SFMBT2: variants seen among roughly 807,000 people sequenced by gnomAD.
The protein encoded by SFMBT2 is Scm like with four mbt domains 2.
A neutral mutation model predicts 110.1 loss-of-function variants in SFMBT2; 38 were observed. The ratio of observed to expected loss-of-function variants is 0.35; its 90% CI spans 0.27 to 0.45. SFMBT2 has a LOEUF of 0.45. SFMBT2 is among the 20% of genes least tolerant of loss of function. The probability of loss-of-function intolerance (pLI) is 1.00; values close to 1 mark genes in which losing one functional copy is unlikely to be tolerated. For synonymous variants in SFMBT2, 425 were observed against 425.4 expected (o/e 1.00, Z 0.01); for missense variants, 1,011 against 1,094.9 (o/e 0.92, Z 1.08).
intron 4 of SFMBT2, among the ~76,000 whole-genome samples, chr10:7,311,482 C>T (rs1842856063): frequency 6.6e-6 from 1 of 152,204 alleles, no homozygotes; most frequent in Non-Finnish European, 1.5e-5. Flanking sequence ...CTATCACATC[C>T]TCCATCGTCA....
Position 7,159,425 on chromosome 10 carries a change from T to C in SFMBT2, c.*4345A>G, listed in dbSNP as rs933197841. The C allele has an allele frequency of 3.9e-5, 6 of 152,056 alleles. No individual in the cohort carries two copies. The highest frequency in any genetic ancestry group is 1.4e-4 in the African/African-American group (6 of 41,392). The allele number at this position is 152,056 out of a possible 1,614,324, so 9.4% of individuals were successfully genotyped here. On this transcript the variant is annotated 3_prime_UTR_variant, in exon 21 of 21. Transcript: ENST00000397167. ...CTATGAGAACTGGTCAACTTAAGAGTTCAACCATGTGAAAGGGAGTAATTT... is the reference window on the plus strand; with the variant it reads ...CTATGAGAACTGGTCAACTTAAGAGCTCAACCATGTGAAAGGGAGTAATTT...
rs1272972970 is a variant in SFMBT2, at chr10:7,301,055, T to TA, written c.437-15102dup. 6.6e-6 allele frequency among the ~76,000 whole-genome samples: 1 copy of TA among 152,150 alleles called. No homozygotes were observed. Among genetic ancestry groups the TA allele is most frequent in the Non-Finnish European group, 1.5e-5 (1 of 68,018 alleles). ...TATGGAAAACAGGAATGTAAGCAGG[T>TA]AACTCAGTGAAGGAAGGAGTAAACC... On this transcript the variant is annotated intron_variant, in intron 4 of 20. Transcript: ENST00000397167. The surrounding 1 kb of genome is among the most constrained non-coding windows in gnomAD (Gnocchi z 4.2).
chr10:7,217,130 A>G (rs934154762), intron 11 of SFMBT2, among the ~76,000 whole-genome samples: 1 of 152,240 alleles, frequency 6.6e-6, no homozygotes, highest in African/African-American at 2.4e-5. Context: ...GAAGTCATCA[A>G]CTTCATAGAG....
At chr10:7,354,168 G>T (rs1844424098) in intron 4 of SFMBT2, among the ~76,000 whole-genome samples, 1 of 151,874 alleles carries the variant, frequency 6.6e-6, no homozygotes, top group Non-Finnish European at 1.5e-5. Flanking sequence ...CAGCCTATAT[G>T]CCCCAGACTC....
chr10:7,310,626 C>CTAAATGGA lies in SFMBT2; in HGVS notation c.437-24680_437-24673dup, dbSNP rs541509278. 3.3e-5 allele frequency among the ~76,000 whole-genome samples: 5 copies of CTAAATGGA among 152,324 alleles called. No homozygotes were observed. In the South Asian group the frequency reaches 1.0e-3, roughly 32 times the overall value. Reference sequence around the variant, plus strand: ...AAAGTCTGTCTGATTTTTCCTCTTCCTAAATGGATCTTCTTCAGAATTTTC... The same window carrying CTAAATGGA: ...AAAGTCTGTCTGATTTTTCCTCTTCCTAAATGGATAAATGGATCTTCTTCAGAATTTTC... On this transcript the variant is annotated intron_variant, in intron 4 of 20. Coordinates refer to ENST00000397167, the MANE Select transcript of SFMBT2 (RefSeq NM_001387889.1).
intron 4 of SFMBT2, among the ~76,000 whole-genome samples, chr10:7,339,300 A>C (rs1054094439): frequency 6.6e-6 from 1 of 152,214 alleles, no homozygotes; most frequent in Admixed American, 6.5e-5. Flanking sequence ...AAAACAAATA[A>C]GTTTCGATAA....
Position 7,164,256 on chromosome 10 carries a change from G to C in SFMBT2, c.2545-346C>G, listed in dbSNP as rs1054237796. On this transcript the variant is annotated intron_variant, in intron 20 of 20. Transcript: ENST00000397167. ...TTAAAAATTAGCTGGGCATGGTGGT[G>C]CAAACCTGTGATGCCAGCTACTCAG... is the stretch of plus-strand genomic sequence containing the variant. The C allele has an allele frequency of 1.8e-5, 11 of 609,180 alleles. No homozygotes were observed. In the Admixed American group the frequency reaches 3.2e-4, roughly 18 times the overall value. The allele number at this position is 609,180 out of a possible 1,614,324, so 37.7% of individuals were successfully genotyped here.
chr10:7,302,339 T>C (rs1249753196), intron 4 of SFMBT2, among the ~76,000 whole-genome samples: 2 of 152,254 alleles, frequency 1.3e-5, no homozygotes. Flanking sequence ...AAAATGTTAC[T>C]ATTACCCCAG....
At chr10:7,294,924 A>T (rs1311754506) in intron 4 of SFMBT2, among the ~76,000 whole-genome samples, 1 of 151,400 alleles carries the variant, frequency 6.6e-6, no homozygotes, top group East Asian at 1.9e-4. Flanking sequence ...CCTTCTGGGA[A>T]CTCCCTATTC....
chr10:7,254,250 C>T (rs1227569169), intron 7 of SFMBT2, among the ~76,000 whole-genome samples: 2 of 152,232 alleles, frequency 1.3e-5, no homozygotes, highest in South Asian at 2.1e-4. Context: ...TATATTCTAT[C>T]ATTCATCCAA....
At chr10:7,405,935 A>G (rs1846199445) in intron 1 of SFMBT2, among the ~76,000 whole-genome samples, 1 of 149,918 alleles carries the variant, frequency 6.7e-6, no homozygotes, top group South Asian at 2.1e-4. Flanking sequence ...GTTGTGACGC[A>G]TAATTTCCCA....
intron 11 of SFMBT2, among the ~76,000 whole-genome samples, chr10:7,212,611 T>C (rs967707129): frequency 2.0e-5 from 3 of 152,236 alleles, no homozygotes; most frequent in Non-Finnish European, 2.9e-5. Flanking sequence ...CGTGCTAACA[T>C]GACTCTTACA....
At chr10:7,206,230 A>G (rs9424008) in intron 11 of SFMBT2, 19,344 of 985,426 alleles carry the variant, frequency 0.02, 215 homozygotes, top group Non-Finnish European at 0.022. Context: ...GACCGTAGGA[A>G]AAGATTGGCA....
chr10:7,248,458 G>A (rs1345353585), intron 8 of SFMBT2, 90 bp downstream of exon 8: 22 of 1,097,326 alleles, frequency 2.0e-5, no homozygotes, highest in Non-Finnish European at 2.7e-5. Context: ...AGCCTTGCAC[G>A]AACATATGTC....
intron 9 of SFMBT2, among the ~76,000 whole-genome samples, chr10:7,236,329 G>C (rs924302658): frequency 6.6e-6 from 1 of 151,994 alleles, no homozygotes; most frequent in East Asian, 1.9e-4. Context: ...AGAATGGCCT[G>C]CCAAAAATAA....
intron 4 of SFMBT2, among the ~76,000 whole-genome samples, chr10:7,314,092 A>AT (rs1448291309): frequency 6.6e-6 from 1 of 152,250 alleles, no homozygotes; most frequent in Non-Finnish European, 1.5e-5. Context: ...TATTGAAATT[A>AT]TCACTGATTC....
intron 4 of SFMBT2, among the ~76,000 whole-genome samples, chr10:7,317,129 G>A (rs141171392): frequency 1.1e-4 from 17 of 152,104 alleles, no homozygotes; most frequent in African/African-American, 3.4e-4. Flanking sequence ...CTTTGTCCTC[G>A]TGCCCCCTCC....
At chr10:7,354,947 G>GT (rs1844452087) in intron 4 of SFMBT2, among the ~76,000 whole-genome samples, 1 of 152,194 alleles carries the variant, frequency 6.6e-6, no homozygotes, top group South Asian at 2.1e-4. Flanking sequence ...AGATAAAGAC[G>GT]TAAGTCATAA....
At chr10:7,307,799 G>C (rs1055153535) in intron 4 of SFMBT2, among the ~76,000 whole-genome samples, 2 of 152,074 alleles carry the variant, frequency 1.3e-5, no homozygotes, top group African/African-American at 4.8e-5. Flanking sequence ...GACACAGAAA[G>C]CATAAAAGAT....
Sources: allele counts gnomAD v4.1 joint callset (sites outside exome capture counted in the v4.1 genomes callset), GRCh38; gene constraint gnomAD v4.1.1; non-coding constraint Gnocchi (gnomAD v3.1); transcripts MANE v1.5; gene names NCBI Gene and HGNC (gene_info 2026-07-23, HGNC 2026-07-21).